Variants in PTPRD observed in about 807,000 individuals in gnomAD.
The protein encoded by PTPRD is receptor-type tyrosine-protein phosphatase delta.
In PTPRD, 34 loss-of-function variants were observed where a neutral mutation model predicts 214.5. The observed-to-expected ratio is 0.16, with a 90% CI of 0.12 to 0.21. The LOEUF is 0.21. Among genes scored for constraint, PTPRD ranks in the 10% least tolerant of loss-of-function variants. The pLI, the probability that PTPRD is intolerant of heterozygous loss-of-function variation, is 1.00. For missense variants in PTPRD, 2,545 were observed against 2,398.7 expected, an observed-to-expected ratio of 1.06 and a Z score of -1.27; for synonymous variants, 1,128 against 845.7, an observed-to-expected ratio of 1.33 and a Z score of -5.79.
At chr9:10,531,440 T>G (rs560985141) in intron 2 of PTPRD, among the ~76,000 whole-genome samples, 1 of 152,272 alleles carries the variant, frequency 6.6e-6, no homozygotes, top group East Asian at 1.9e-4. Flanking sequence ...ACAGCATCAC[T>G]GACACATTAA....
intron 2 of PTPRD, among the ~76,000 whole-genome samples, chr9:10,531,242 G>T (rs1212465557): frequency 6.6e-6 from 1 of 152,164 alleles, no homozygotes; most frequent in African/African-American, 2.4e-5. Context: ...GAGCCACTAT[G>T]CCCGGCCAAT....
chr9:10,448,510 T>G (rs1209523526), intron 2 of PTPRD, among the ~76,000 whole-genome samples: 1 of 151,924 alleles, frequency 6.6e-6, no homozygotes. Flanking sequence ...AACATAGAGA[T>G]GAAATATAAT....
chr9:9,853,918 C>T (rs939897216), intron 5 of PTPRD, among the ~76,000 whole-genome samples: 5 of 152,158 alleles, frequency 3.3e-5, no homozygotes, highest in African/African-American at 1.2e-4. Context: ...TGTGATGTTT[C>T]CATCTGTGTA....
At chr9:9,744,718 A>G (rs1477514470) in intron 6 of PTPRD, among the ~76,000 whole-genome samples, 1 of 152,064 alleles carries the variant, frequency 6.6e-6, no homozygotes, top group African/African-American at 2.4e-5. Flanking sequence ...AAATTAATGA[A>G]GAACAGAAAA....
chr9:9,700,165 T>C (rs2097465524), intron 7 of PTPRD, among the ~76,000 whole-genome samples: 1 of 152,158 alleles, frequency 6.6e-6, no homozygotes, highest in Admixed American at 6.6e-5. Context: ...AAATATATAT[T>C]ATGTGAATAT....
chr9:8,409,765 C>T (rs2093360769), intron 35 of PTPRD, among the ~76,000 whole-genome samples: 1 of 152,072 alleles, frequency 6.6e-6, no homozygotes, highest in Non-Finnish European at 1.5e-5. Flanking sequence ...AGAAACTCAT[C>T]AAAGAGAAAC....
intron 5 of PTPRD, among the ~76,000 whole-genome samples, chr9:9,864,085 A>G (rs2063396900): frequency 6.6e-6 from 1 of 152,142 alleles, no homozygotes; most frequent in African/African-American, 2.4e-5. Flanking sequence ...TGGGTGGAAC[A>G]TTTGAGGTCA....
intron 37 of PTPRD, among the ~76,000 whole-genome samples, chr9:8,386,341 T>C (rs2087030651): frequency 1.3e-5 from 2 of 152,150 alleles, no homozygotes; most frequent in African/African-American, 2.4e-5. Flanking sequence ...TCTCTTTCCT[T>C]TTCTCCCCTC....
chr9:9,849,873 G>A (rs1177862541), intron 5 of PTPRD, among the ~76,000 whole-genome samples: 1 of 152,060 alleles, frequency 6.6e-6, no homozygotes, highest in Non-Finnish European at 1.5e-5. Context: ...GTACACTTTA[G>A]GGATTAACAT....
intron 8 of PTPRD, among the ~76,000 whole-genome samples, chr9:9,540,500 T>C (rs1043030729): frequency 1.3e-5 from 2 of 151,684 alleles, no homozygotes; most frequent in Admixed American, 1.3e-4. Context: ...GTACCAAAAA[T>C]GCTACCTAGC....
chr9:8,788,251 T>C lies in PTPRD; in HGVS notation c.-103-54305A>G, dbSNP rs2096071976. ...CCAAATATTTTTGGTTCATATAAGA[T>C]GATTTTTTTTTTTTTTTTTTTTTTT... On this transcript the variant is annotated intron_variant, in intron 11 of 45. Transcript: ENST00000381196. 2.9e-5 allele frequency among the ~76,000 whole-genome samples: 4 copies of C among 136,496 alleles called. No individual in the cohort carries two copies. The South Asian group carries it at 9.1e-4, about 31-fold the overall frequency. 89.5% of individuals were successfully genotyped at this position (136,496 alleles called of 152,430 possible).
chr9:9,874,450 A>G (rs2066305333), intron 5 of PTPRD, among the ~76,000 whole-genome samples: 2 of 152,172 alleles, frequency 1.3e-5, no homozygotes, highest in Non-Finnish European at 1.5e-5. Flanking sequence ...AACATATGCA[A>G]CGCAGAACTG....
At chr9:8,555,989 C>G (rs1040517696) in intron 14 of PTPRD, among the ~76,000 whole-genome samples, 2 of 152,136 alleles carry the variant, frequency 1.3e-5, no homozygotes, top group South Asian at 2.1e-4. Flanking sequence ...GGAACAAGGA[C>G]AGATGGATGT....
chr9:9,855,956 T>C (rs1209296231), intron 5 of PTPRD, among the ~76,000 whole-genome samples: 7 of 152,144 alleles, frequency 4.6e-5, no homozygotes, highest in African/African-American at 1.7e-4. Context: ...GCATCCTGTA[T>C]CCTCACTTGT....
At chr9:10,511,347 G>A (rs2047939833) in intron 2 of PTPRD, among the ~76,000 whole-genome samples, 1 of 152,012 alleles carries the variant, frequency 6.6e-6, no homozygotes, top group African/African-American at 2.4e-5. Flanking sequence ...CTGCCAAATT[G>A]TCTTCCAAAG....
At chr9:8,746,107 T>C (rs969711035) in intron 11 of PTPRD, among the ~76,000 whole-genome samples, 4 of 152,096 alleles carry the variant, frequency 2.6e-5, no homozygotes, top group Admixed American at 1.3e-4. Context: ...TTTTTTTTTT[T>C]CTCTGTAAAA....
chr9:9,939,867 C>T (rs548192122), intron 4 of PTPRD, among the ~76,000 whole-genome samples: 1 of 152,290 alleles, frequency 6.6e-6, no homozygotes, highest in African/African-American at 2.4e-5. Context: ...AAATATCATT[C>T]TCTCCTTGTA....
intron 36 of PTPRD, among the ~76,000 whole-genome samples, chr9:8,403,039 G>C (rs2092601085): frequency 6.6e-6 from 1 of 152,116 alleles, no homozygotes; most frequent in Non-Finnish European, 1.5e-5. Flanking sequence ...GTATAGGATT[G>C]TTCAAATGCT....
intron 6 of PTPRD, among the ~76,000 whole-genome samples, chr9:9,755,790 T>G (rs540245348): frequency 2.3e-4 from 35 of 152,184 alleles, no homozygotes; most frequent in Non-Finnish European, 3.7e-4. Context: ...CATTTAGACT[T>G]ACTTACTCAT....
Sources: gnomAD v4.1 joint callset for allele counts (sites outside exome capture counted in the v4.1 genomes callset) on GRCh38, gnomAD v4.1.1 for gene constraint, MANE v1.5 for transcripts, NCBI Gene and HGNC (gene_info 2026-07-23, HGNC 2026-07-21) for gene names.